DSE: variants seen among roughly 807,000 people sequenced by gnomAD.
DSE encodes the protein dermatan-sulfate epimerase.
Under a neutral mutation model 84.4 loss-of-function variants are expected in DSE, and 36 were observed. That is an observed-to-expected ratio of 0.43 (90% CI 0.33 to 0.56). DSE has a LOEUF of 0.56. Ranked by LOEUF, DSE falls within the 20% of genes least tolerant of loss-of-function variation. The probability of loss-of-function intolerance (pLI) is 0.06; values close to 1 mark genes in which losing one functional copy is unlikely to be tolerated. For synonymous variants in DSE, 410 were observed against 430.1 expected (o/e 0.95, Z 0.58); for missense variants, 862 against 1,169.6 (o/e 0.74, Z 3.84).
chr6:116,322,196 ATTT>A (rs200208985), intron 2 of DSE, among the ~76,000 whole-genome samples: 5,948 of 152,210 alleles, frequency 0.039, 402 homozygotes, highest in African/African-American at 0.13. Context: ...TTCACAGTGC[ATTT>A]CTATACAATG....
At chr6:116,280,222 C>T in intron 2 of DSE, 1 of 304,068 alleles carries the variant, frequency 3.3e-6, no homozygotes. Flanking sequence ...TGTCTGAAAA[C>T]AAATGTTTTT....
intron 1 of DSE, among the ~76,000 whole-genome samples, chr6:116,395,301 T>C (rs534883649): frequency 2.6e-4 from 40 of 152,298 alleles, no homozygotes; most frequent in African/African-American, 9.4e-4. Context: ...GGTGGGTGCC[T>C]GTAGTCCCAG....
rs74675673 is a variant in DSE, at chr6:116,281,350, A to C, written c.-54+22383A>C. 4.3e-3 allele frequency among the ~76,000 whole-genome samples: 658 copies of C among 152,310 alleles called. 4 individuals carry two copies. Among genetic ancestry groups the C allele is most frequent in the African/African-American group, 0.015 (623 of 41,568 alleles). ...TATTACCTCTAAACTCCAGCACTATAAGAAAATAAATTTGTGCATTTTAAG... is the reference window on the plus strand; with the variant it reads ...TATTACCTCTAAACTCCAGCACTATCAGAAAATAAATTTGTGCATTTTAAG... On this transcript the variant is annotated intron_variant, in intron 2 of 3. Coordinates refer to the DSE transcript ENST00000430252.
chr6:116,332,706 GTTAAAA>G (rs1190258661), intron 2 of DSE, among the ~76,000 whole-genome samples: 1 of 152,086 alleles, frequency 6.6e-6, no homozygotes, highest in Non-Finnish European at 1.5e-5. Context: ...GATACTTAGA[GTTAAAA>G]TTAAGAGCCT....
chr6:116,285,259 T>C (rs2114655997), intron 2 of DSE, among the ~76,000 whole-genome samples: 1 of 152,354 alleles, frequency 6.6e-6, no homozygotes, highest in East Asian at 1.9e-4. Context: ...TTTGCATTTC[T>C]CTGATGGCCA....
chr6:116,420,444 G>A (rs756160851), intron 2 of DSE, among the ~76,000 whole-genome samples: 21 of 152,128 alleles, frequency 1.4e-4, no homozygotes, highest in African/African-American at 1.7e-4. Flanking sequence ...TCTCTCTCAC[G>A]CTTGCCTTAT....
intron 2 of DSE, among the ~76,000 whole-genome samples, chr6:116,287,575 C>T (rs1478947801): frequency 6.6e-6 from 1 of 151,988 alleles, no homozygotes; most frequent in Non-Finnish European, 1.5e-5. Context: ...GTTTATTGCA[C>T]ATTAAATCAG....
intron 2 of DSE, among the ~76,000 whole-genome samples, chr6:116,347,346 C>T (rs1341250185): frequency 6.6e-6 from 1 of 152,104 alleles, no homozygotes; most frequent in Non-Finnish European, 1.5e-5. Flanking sequence ...AAGCTGGAGG[C>T]ATCATGCTAC....
At chr6:116,316,826 C>CTACTACTACTATTATTAT (rs59889768) in intron 2 of DSE, among the ~76,000 whole-genome samples, 1 of 145,848 alleles carries the variant, frequency 6.9e-6, no homozygotes, top group South Asian at 2.2e-4. Context: ...ACTACTACTA[C>CTACTACTACTATTATTAT]TATTATTATT....
chr6:116,323,027 G>C (rs1776418094), intron 2 of DSE, among the ~76,000 whole-genome samples: 1 of 152,194 alleles, frequency 6.6e-6, no homozygotes, highest in African/African-American at 2.4e-5. Context: ...TTCCAGAAAA[G>C]AGAGCTGATA....
intron 1 of DSE, among the ~76,000 whole-genome samples, chr6:116,386,765 G>C: frequency 6.6e-6 from 1 of 152,172 alleles, no homozygotes; most frequent in East Asian, 1.9e-4. Flanking sequence ...AATATTCCAA[G>C]GGCTCGTCTC....
intron 2 of DSE, among the ~76,000 whole-genome samples, chr6:116,285,670 T>G (rs1773852250): frequency 6.6e-6 from 1 of 152,250 alleles, no homozygotes; most frequent in Non-Finnish European, 1.5e-5. Context: ...CATTTAAGTC[T>G]TTAATCCATC....
At chr6:116,343,081 GC>G (rs1230908919) in intron 2 of DSE, among the ~76,000 whole-genome samples, 2 of 152,218 alleles carry the variant, frequency 1.3e-5, no homozygotes, top group African/African-American at 4.8e-5. Context: ...CTGCAAGGTG[GC>G]AGTGAGGCTG....
intron 1 of DSE, among the ~76,000 whole-genome samples, chr6:116,257,785 A>T (rs1005169791): frequency 3.3e-5 from 5 of 152,078 alleles, no homozygotes; most frequent in African/African-American, 1.2e-4. Flanking sequence ...GGTCTCTTTT[A>T]TAGGGCACCG....
At chr6:116,269,308 A>G (rs1772777261) in intron 2 of DSE, among the ~76,000 whole-genome samples, 1 of 152,242 alleles carries the variant, frequency 6.6e-6, no homozygotes, top group Admixed American at 6.5e-5. Context: ...ATATCTGTGA[A>G]GTGTTTTTCA....
At chr6:116,303,393 C>T (rs901490553) in intron 2 of DSE, among the ~76,000 whole-genome samples, 6 of 152,128 alleles carry the variant, frequency 3.9e-5, no homozygotes, top group Admixed American at 6.5e-5. Context: ...AATACCCTTT[C>T]CCCTGGTTAG....
At position 116,441,305 on chromosome 6, in the gene DSE, G is replaced by A. The variant is rs115411944; in HGVS notation, c.*3960G>A. 6.6e-6 allele frequency: 1 copy of A among 151,976 alleles called. No individual in the cohort carries two copies. Among genetic ancestry groups the A allele is most frequent in the Non-Finnish European group, 1.5e-5 (1 of 67,980 alleles). The allele number at this position is 151,976 out of a possible 1,614,324, so 9.4% of individuals were successfully genotyped here. A position where few individuals can be genotyped will look rare whatever the true frequency, so the allele number is the denominator to read the frequency against. The stretch of plus-strand genomic sequence containing the variant: ...CATATACAGTTTCCCTCTTGGTTTT[G>A]GGATTTTTTTAATTGAAGTTTTATT... On this transcript the variant is annotated 3_prime_UTR_variant, in exon 6 of 6. Coordinates refer to ENST00000644252, the MANE Select transcript of DSE (RefSeq NM_013352.4).
At chr6:116,390,832 C>T (rs1780857210) in intron 1 of DSE, among the ~76,000 whole-genome samples, 2 of 152,174 alleles carry the variant, frequency 1.3e-5, no homozygotes, top group Non-Finnish European at 2.9e-5. Flanking sequence ...TATCTCTACC[C>T]TCGTTTCCCT....
At chr6:116,379,950 G>C (rs1343576881) in intron 1 of DSE, among the ~76,000 whole-genome samples, 1 of 152,108 alleles carries the variant, frequency 6.6e-6, no homozygotes, top group African/African-American at 2.4e-5. Flanking sequence ...TGCACATAAG[G>C]AAGTGGAGTT....
Sources: allele counts gnomAD v4.1 joint callset (sites outside exome capture counted in the v4.1 genomes callset), GRCh38; gene constraint gnomAD v4.1.1; transcripts MANE v1.5; gene names NCBI Gene and HGNC (gene_info 2026-07-23, HGNC 2026-07-21).